Variants in VIL1 observed in about 807,000 individuals in gnomAD.
The protein encoded by VIL1 is villin 1, also known as villin-1.
A neutral mutation model predicts 104.0 loss-of-function variants in VIL1; 86 were observed. The observed-to-expected ratio is 0.83, with a 90% confidence interval of 0.69 to 0.99. The LOEUF is 0.99. Among genes scored for constraint, VIL1 ranks in the 50% least tolerant of loss-of-function variants. The pLI, the probability that VIL1 is intolerant of heterozygous loss-of-function variation, is 0.00. For synonymous variants in VIL1, 394 were observed against 412.6 expected, an observed-to-expected ratio of 0.95 and a Z score of 0.55; for missense variants, 944 against 1,054.1, an observed-to-expected ratio of 0.90 and a Z score of 1.45.
At chr2:218,437,009 T>A in intron 16 of VIL1, 115 bp from the exon 17 acceptor site, 1 of 1,265,060 alleles carries the variant, frequency 7.9e-7, no homozygotes, top group Non-Finnish European at 1.1e-6. Flanking sequence ...GTCATTTGGC[T>A]GGTAGTGGTA....
At chr2:218,428,422 T>A in intron 6 of VIL1, 85 bp downstream of exon 6, 3 of 1,178,120 alleles carry the variant, frequency 2.5e-6, no homozygotes, top group Admixed American at 1.8e-5. Context: ...CCCCGCTGAC[T>A]GCTGGGGACA....
chr2:218,426,547 T>C (rs918494231), intron 4 of VIL1, among the ~76,000 whole-genome samples: 1 of 152,134 alleles, frequency 6.6e-6, no homozygotes, highest in Non-Finnish European at 1.5e-5. Context: ...CCACTTCGTC[T>C]GGCCCCACCT....
Position 218,436,565 on chromosome 2 carries a change from C to T in VIL1, c.1910C>T (p.Pro637Leu). ...KTGRFLATEI[P>L]DFNQDDLEED... is the part of the protein sequence containing the mutation. ...GGGCGCTTCCTGGCCACAGAGATCC[C>T]TGACTTCAATCAGGATGACTTGGAA... The change falls in exon 16 of 20, where the codon CCT (proline) becomes CTT (leucine). Residue 637 changes from proline (P) to leucine (L), a missense_variant. Transcript: ENST00000248444. The T allele has an allele frequency of 1.2e-6, 2 of 1,614,116 alleles. No individual in the cohort carries two copies. Among genetic ancestry groups the T allele is most frequent in the Non-Finnish European group, 1.7e-6 (2 of 1,180,030 alleles).
rs952882421 is a variant in VIL1, at chr2:218,437,463, A to C, written c.2160+151A>C. 1.1e-5 allele frequency: 11 copies of C among 1,026,156 alleles called. No individual in the cohort carries two copies. In the Admixed American group the frequency reaches 2.3e-4, roughly 22 times the overall value. 63.6% of individuals were successfully genotyped at this position (1,026,156 alleles called of 1,614,324 possible). ...TAGAATAGAAAGTAAGGCTGCACTAAGGCCATTAGGCCTCTGGTGAGAGGG... is the reference window on the plus strand; with the variant it reads ...TAGAATAGAAAGTAAGGCTGCACTACGGCCATTAGGCCTCTGGTGAGAGGG... On this transcript the variant is annotated intron_variant, in intron 17 of 19. Transcript: ENST00000248444.
intron 19 of VIL1, among the ~76,000 whole-genome samples, chr2:218,447,266 C>T (rs1486462536): frequency 6.6e-6 from 1 of 152,158 alleles, no homozygotes; most frequent in African/African-American, 2.4e-5. Context: ...GGAGACTTCT[C>T]CTGAGGGTGA....
chr2:218,423,041 G>C (rs1051511143), intron 1 of VIL1, among the ~76,000 whole-genome samples: 1 of 152,212 alleles, frequency 6.6e-6, no homozygotes, highest in Non-Finnish European at 1.5e-5. Context: ...GCATCAGCAC[G>C]TTCCGAAGCT....
chr2:218,432,125 T>C lies in VIL1; in HGVS notation c.1283T>C (p.Leu428Pro). 1 of 1,613,860 alleles carries C rather than the reference T, an allele frequency of 6.2e-7. No homozygotes were observed. The highest frequency in any genetic ancestry group is 1.1e-5 in the South Asian group (1 of 91,068). The change falls in exon 12 of 20, where the codon CTG becomes CCG. Residue 428 changes from leucine (L) to proline (P), a missense_variant. By Grantham distance (98) the Leu-to-Pro change is moderately conservative (BLOSUM62 -3). Transcript: ENST00000248444. The part of the protein sequence containing the change: ...LGHFYGGDCY[L>P]LLYTYLIGEK... ...CACTTCTATGGGGGCGACTGCTACC[T>C]GCTGCTCTACACCTACCTCATCGGC...
At chr2:218,423,040 C>A (rs934790546) in intron 1 of VIL1, among the ~76,000 whole-genome samples, 1 of 152,214 alleles carries the variant, frequency 6.6e-6, no homozygotes. Flanking sequence ...AGCATCAGCA[C>A]GTTCCGAAGC....
In VIL1 at chr2:218,449,447, G is replaced by A; in HGVS notation, c.*111G>A. 2 of 849,086 alleles carry A rather than the reference G, an allele frequency of 2.4e-6. No individual in the cohort carries two copies. The highest frequency in any genetic ancestry group is 3.9e-6 in the Non-Finnish European group (2 of 510,904). The allele number at this position is 849,086 out of a possible 1,614,324, so 52.6% of individuals were successfully genotyped here. On this transcript the variant is annotated 3_prime_UTR_variant, in exon 20 of 20. Transcript: ENST00000248444. ...AGTGAAATTTTGCAGATGTGCCTAT[G>A]AGCACAAACTTCTGTGGCAAATGCC...
chr2:218,420,578 G>GTTTTTTTTTTTTTTTTT (rs71064448), intron 1 of VIL1, among the ~76,000 whole-genome samples: 1 of 131,264 alleles, frequency 7.6e-6, no homozygotes. Flanking sequence ...ATGAGTATTT[G>GTTTTTTTTTTTTTTTTT]TTTTTTTTTT....
intron 19 of VIL1, among the ~76,000 whole-genome samples, chr2:218,448,229 C>A (rs1354605754): frequency 6.6e-6 from 1 of 151,664 alleles, no homozygotes; most frequent in Non-Finnish European, 1.5e-5. Context: ...CACTGCACTC[C>A]AGCCTGTGTG....
intron 11 of VIL1, 43 bp downstream of exon 11, chr2:218,432,000 G>T (rs1689107863): frequency 6.2e-7 from 1 of 1,613,936 alleles, no homozygotes; most frequent in African/African-American, 1.3e-5. Flanking sequence ...GAGCAGGAAT[G>T]GTGGAGCCTG....
intron 19 of VIL1, among the ~76,000 whole-genome samples, chr2:218,448,336 G>A (rs908318733): frequency 6.6e-6 from 1 of 152,038 alleles, no homozygotes; most frequent in Non-Finnish European, 1.5e-5. Flanking sequence ...AGGTCAAGGC[G>A]GGCAGATCAC....
intron 4 of VIL1, among the ~76,000 whole-genome samples, chr2:218,426,202 C>T (rs1486820335): frequency 3.3e-5 from 5 of 152,278 alleles, no homozygotes; most frequent in South Asian, 4.1e-4. Context: ...GCTGCTCCCC[C>T]ATCTCTAATG....
At chr2:218,435,530 G>A (rs746208542) in intron 15 of VIL1, 96 bp downstream of exon 15, 53 of 1,478,996 alleles carry the variant, frequency 3.6e-5, no homozygotes, top group Non-Finnish European at 4.5e-5. Flanking sequence ...GGCATGGACT[G>A]AGGACTCTGT....
chr2:218,424,055 AC>A (rs1210210517), intron 2 of VIL1, among the ~76,000 whole-genome samples: 6 of 150,990 alleles, frequency 4.0e-5, no homozygotes, highest in African/African-American at 1.5e-4. Context: ...CTGTCTCTCA[AC>A]CTTCCTCTCC....
Position 218,431,036 on chromosome 2 carries a change from ACT to A in VIL1, c.1102+161_1102+162del. 7.1e-6 allele frequency: 7 copies of A among 984,170 alleles called. No homozygotes were observed. The South Asian group carries it at 1.2e-4, about 17-fold the overall frequency. The allele number at this position is 984,170 out of a possible 1,614,324, so 61.0% of individuals were successfully genotyped here. A position where few individuals can be genotyped will look rare whatever the true frequency, so the allele number is the denominator to read the frequency against. On this transcript the variant is annotated intron_variant, in intron 10 of 19. Transcript: ENST00000248444. ...TCCTAGCAGATGGGGACGTGGACAAACTCTAGTTGTCACAAAAAGGGAGCTGA... is the reference window on the plus strand; with the variant it reads ...TCCTAGCAGATGGGGACGTGGACAAACTAGTTGTCACAAAAAGGGAGCTGA...
chr2:218,419,215 G>C (rs1318015963), intron 1 of VIL1, 47 bp downstream of exon 1: 1 of 152,288 alleles, frequency 6.6e-6, no homozygotes, highest in Non-Finnish European at 1.5e-5. Context: ...GTGGTGCGAG[G>C]GGACGGGGTC....
At chr2:218,423,885 A>G in intron 2 of VIL1, 32 bp downstream of exon 2, 1 of 1,613,232 alleles carries the variant, frequency 6.2e-7, no homozygotes, top group African/African-American at 1.3e-5. Context: ...GGGGCTGCTC[A>G]GGCCTGGGGT....
Sources: allele counts gnomAD v4.1 joint callset (sites outside exome capture counted in the v4.1 genomes callset), GRCh38; gene constraint gnomAD v4.1.1; transcripts MANE v1.5; gene names NCBI Gene and HGNC (gene_info 2026-07-23, HGNC 2026-07-21).